Variants in PITPNC1 observed in about 807,000 individuals in gnomAD.
PITPNC1 encodes phosphatidylinositol transfer protein cytoplasmic 1.
PITPNC1 carries 18 observed loss-of-function variants against 44.7 expected under a neutral mutation model. That is an observed-to-expected ratio of 0.40 (90% CI 0.28 to 0.60). PITPNC1 has a LOEUF of 0.60. Ranked by LOEUF, PITPNC1 falls within the 20% of genes least tolerant of loss-of-function variation. The probability of loss-of-function intolerance (pLI) is 0.39; values close to 1 mark genes in which losing one functional copy is unlikely to be tolerated. For synonymous variants in PITPNC1, 141 were observed against 149.6 expected (o/e 0.94, Z 0.42); for missense variants, 290 against 418.4 (o/e 0.69, Z 2.68).
At chr17:67,617,618 C>T (rs1463659782) in intron 5 of PITPNC1, among the ~76,000 whole-genome samples, 1 of 152,192 alleles carries the variant, frequency 6.6e-6, no homozygotes, top group Non-Finnish European at 1.5e-5. Context: ...TCTTGCAGTT[C>T]TGGAGGCCAG....
rs1160152426 is a variant in PITPNC1 at position 67,599,034 on chromosome 17, A to ATTTTTTTT, written c.366+20790_366+20797dup. On this transcript the variant is annotated intron_variant, in intron 5 of 8. Transcript: ENST00000581322. ...TATATATATATATATATATATATATATTTTTTTTTTTTTTTTTTTTACCAT... is the reference window on the plus strand; with the variant it reads ...TATATATATATATATATATATATATATTTTTTTTTTTTTTTTTTTTTTTTTTTTACCAT... Among the ~76,000 whole-genome samples the ATTTTTTTT allele has an allele frequency of 1.9e-3, 69 of 35,664 alleles. 7 individuals carry two copies. The highest frequency in any genetic ancestry group is 7.8e-3 in the African/African-American group (68 of 8,716). The allele number at this position is 35,664 out of a possible 152,430, so 23.4% of individuals were successfully genotyped here.
chr17:67,470,098 T>C (rs544730756), intron 1 of PITPNC1, among the ~76,000 whole-genome samples: 3 of 152,210 alleles, frequency 2.0e-5, no homozygotes, highest in Non-Finnish European at 4.4e-5. Flanking sequence ...AATTTATGTA[T>C]TTTTAGTAGA....
chr17:67,435,357 C>G (rs2038923325), intron 1 of PITPNC1, among the ~76,000 whole-genome samples: 1 of 152,140 alleles, frequency 6.6e-6, no homozygotes, highest in Admixed American at 6.5e-5. Flanking sequence ...CCCTCCGGGG[C>G]CATTGTAGGC....
intron 1 of PITPNC1, among the ~76,000 whole-genome samples, chr17:67,518,696 C>T (rs1367252399): frequency 6.6e-6 from 1 of 152,204 alleles, no homozygotes; most frequent in Non-Finnish European, 1.5e-5. Flanking sequence ...CATGGTGGCT[C>T]ACACCTGTAA....
At chr17:67,545,077 T>A (rs937096612) in intron 2 of PITPNC1, among the ~76,000 whole-genome samples, 5 of 151,898 alleles carry the variant, frequency 3.3e-5, no homozygotes, top group Non-Finnish European at 5.9e-5. Flanking sequence ...TTTGGGAGGC[T>A]GAGGCAGGAG....
intron 1 of PITPNC1, among the ~76,000 whole-genome samples, chr17:67,425,193 G>GCGCGCGCACA (rs1160522771): frequency 9.6e-5 from 5 of 52,118 alleles, no homozygotes; most frequent in African/African-American, 2.0e-4. Flanking sequence ...TTGTGCGCGC[G>GCGCGCGCACA]CACGCACACG....
At chr17:67,445,808 G>C (rs1249798101) in intron 1 of PITPNC1, among the ~76,000 whole-genome samples, 1 of 152,064 alleles carries the variant, frequency 6.6e-6, no homozygotes, top group Non-Finnish European at 1.5e-5. Flanking sequence ...ATCTCATTCA[G>C]GAAGCTGCCT....
chr17:67,638,806 G>T (rs907927032), intron 6 of PITPNC1: 2 of 152,014 alleles, frequency 1.3e-5, no homozygotes, highest in Non-Finnish European at 2.9e-5. Context: ...AGGTCAGGGA[G>T]GCTACTGAAC....
chr17:67,682,453 A>G (rs577884888), intron 8 of PITPNC1, among the ~76,000 whole-genome samples: 60 of 152,292 alleles, frequency 3.9e-4, no homozygotes, highest in Admixed American at 1.6e-3. Flanking sequence ...GGCCCCATGC[A>G]GTATGACCTC....
chr17:67,477,577 T>A (rs930696304), intron 1 of PITPNC1, among the ~76,000 whole-genome samples: 2 of 151,802 alleles, frequency 1.3e-5, no homozygotes, highest in Non-Finnish European at 1.5e-5. Flanking sequence ...TTATTTATTT[T>A]TTGGTAGAGA....
At chr17:67,499,270 A>G (rs903036308) in intron 1 of PITPNC1, among the ~76,000 whole-genome samples, 1 of 152,102 alleles carries the variant, frequency 6.6e-6, no homozygotes, top group Non-Finnish European at 1.5e-5. Context: ...GTTGGAGTGC[A>G]ATGGTGTGAT....
chr17:67,514,189 T>TTTTTTGTTTTTG (rs1011144578), intron 1 of PITPNC1, among the ~76,000 whole-genome samples: 3 of 151,584 alleles, frequency 2.0e-5, no homozygotes, highest in African/African-American at 7.3e-5. Context: ...AATTCACGGG[T>TTTTTTGTTTTTG]TTTTTGTTTT....
chr17:67,395,164 T>C (rs1207240872), intron 1 of PITPNC1, among the ~76,000 whole-genome samples: 2 of 150,586 alleles, frequency 1.3e-5, no homozygotes, highest in African/African-American at 5.0e-5. Flanking sequence ...TCTGGACAGG[T>C]TTTTTCTTTT....
intron 5 of PITPNC1, among the ~76,000 whole-genome samples, chr17:67,590,359 G>A (rs187967584): frequency 8.6e-4 from 131 of 152,218 alleles, no homozygotes; most frequent in South Asian, 4.2e-3. Context: ...ATCCTCAGTC[G>A]GAAGACAATA....
chr17:67,481,078 A>G (rs1414383937), intron 1 of PITPNC1, among the ~76,000 whole-genome samples: 1 of 152,198 alleles, frequency 6.6e-6, no homozygotes, highest in African/African-American at 2.4e-5. Flanking sequence ...GCAGTGGTGC[A>G]CGCCTGTAAC....
intron 8 of PITPNC1, among the ~76,000 whole-genome samples, chr17:67,683,075 G>A (rs771297028): frequency 1.3e-4 from 19 of 147,530 alleles, no homozygotes; most frequent in South Asian, 4.3e-4. Flanking sequence ...CAGGAGAATC[G>A]CTTGAACCCG....
intron 8 of PITPNC1, among the ~76,000 whole-genome samples, chr17:67,689,562 AT>A (rs2042883179): frequency 2.0e-5 from 3 of 152,220 alleles, no homozygotes; most frequent in Admixed American, 6.5e-5. Context: ...TGCTAAATGA[AT>A]TTTAGATCAT....
chr17:67,614,114 A>G (rs545039472), intron 5 of PITPNC1, among the ~76,000 whole-genome samples: 26 of 151,650 alleles, frequency 1.7e-4, no homozygotes, highest in Admixed American at 9.2e-4. Context: ...AAGAAAAAGA[A>G]AAAAGAGCGC....
intron 5 of PITPNC1, among the ~76,000 whole-genome samples, chr17:67,615,597 A>G (rs1207731058): frequency 6.6e-6 from 1 of 152,148 alleles, no homozygotes; most frequent in East Asian, 1.9e-4. Context: ...TCCAAGAAGG[A>G]TGAGGATCAA....
Sources: gnomAD v4.1 joint callset for allele counts (sites outside exome capture counted in the v4.1 genomes callset) on GRCh38, gnomAD v4.1.1 for gene constraint, MANE v1.5 for transcripts, NCBI Gene and HGNC (gene_info 2026-07-23, HGNC 2026-07-21) for gene names.